The following NAV3 variants were observed in gnomAD, a reference collection of about 807,000 sequenced individuals.
NAV3 encodes pore membrane and/or filament interacting like protein 1.
Under a neutral mutation model 244.7 loss-of-function variants are expected in NAV3, and 87 were observed. The observed-to-expected ratio is 0.36, with a 90% CI of 0.30 to 0.42. The LOEUF is 0.42. Ranked by LOEUF, NAV3 falls within the 20% of genes least tolerant of loss-of-function variation. The probability of loss-of-function intolerance (pLI) is 1.00; values close to 1 mark genes in which losing one functional copy is unlikely to be tolerated. For synonymous variants in NAV3, 1,126 were observed against 1,042.2 expected, an observed-to-expected ratio of 1.08 and a Z score of -1.55; for missense variants, 2,663 against 2,893.3, an observed-to-expected ratio of 0.92 and a Z score of 1.83.
upstream of NAV3, among the ~76,000 whole-genome samples, chr12:77,826,215 A>C (rs913341601): frequency 6.6e-6 from 1 of 152,194 alleles, no homozygotes; most frequent in African/African-American, 2.4e-5. Flanking sequence ...GACAGATATA[A>C]ATATTTATAG....
At chr12:77,982,258 C>T (rs1370164596) in intron 5 of NAV3, among the ~76,000 whole-genome samples, 2 of 61,326 alleles carry the variant, frequency 3.3e-5, no homozygotes, top group African/African-American at 8.0e-5. Context: ...TTATATGTTA[C>T]ATTAGAGCCG....
Position 78,127,407 on chromosome 12 carries a change from G to C in NAV3, c.4280+199G>C, listed in dbSNP as rs148291433. Among the ~76,000 whole-genome samples the C allele has an allele frequency of 7.2e-5, 11 of 152,228 alleles. No individual in the cohort carries two copies. The East Asian group carries it at 1.2e-3, about 16-fold the overall frequency. Reference sequence around the variant, plus strand: ...AGAGATACTAGTAGAGATTGAGGCTGTCTCTCAAATTAAATAAATTCCAAT... The same window carrying C: ...AGAGATACTAGTAGAGATTGAGGCTCTCTCTCAAATTAAATAAATTCCAAT... On this transcript the variant is annotated intron_variant, in intron 17 of 39. Transcript: ENST00000397909.
At chr12:77,580,216 G>T (rs2136673457) in intron 2 of NAV3, among the ~76,000 whole-genome samples, 1 of 119,326 alleles carries the variant, frequency 8.4e-6, no homozygotes, top group East Asian at 2.2e-4. Flanking sequence ...GGGGTAGGGT[G>T]GGAACACACA....
chr12:78,135,190 T>C (rs1162482543), intron 18 of NAV3, among the ~76,000 whole-genome samples: 1 of 152,218 alleles, frequency 6.6e-6, no homozygotes, highest in East Asian at 1.9e-4. Context: ...TGTTCTATTT[T>C]ACATATTAAC....
At chr12:77,985,158 G>C (rs529088601) in intron 5 of NAV3, among the ~76,000 whole-genome samples, 37 of 152,124 alleles carry the variant, frequency 2.4e-4, no homozygotes, top group Admixed American at 7.9e-4. Context: ...CATGGTTTTA[G>C]GGGTTATAAT....
chr12:77,876,504 C>T (rs926830701), intron 1 of NAV3, among the ~76,000 whole-genome samples: 2 of 152,044 alleles, frequency 1.3e-5, no homozygotes, highest in African/African-American at 4.8e-5. Context: ...GTCAATACTG[C>T]ATACACATGT....
intron 9 of NAV3, among the ~76,000 whole-genome samples, chr12:78,044,306 C>T (rs2137125420): frequency 6.6e-6 from 1 of 152,198 alleles, no homozygotes; most frequent in South Asian, 2.1e-4. Context: ...GTTTTGGTAC[C>T]AGTACCATGC....
At chr12:77,982,476 G>T (rs1565985287) in intron 5 of NAV3, among the ~76,000 whole-genome samples, 2 of 152,262 alleles carry the variant, frequency 1.3e-5, no homozygotes, top group South Asian at 4.1e-4. Context: ...AGCACAAGTT[G>T]CTCAGTGATC....
At chr12:77,874,276 T>G (rs1355431621) in intron 1 of NAV3, among the ~76,000 whole-genome samples, 1 of 152,130 alleles carries the variant, frequency 6.6e-6, no homozygotes, top group East Asian at 1.9e-4. Context: ...TGGAGTGCAG[T>G]GCTGCAATCA....
chr12:77,662,276 T>G (rs527939237), intron 2 of NAV3, among the ~76,000 whole-genome samples: 6 of 151,988 alleles, frequency 3.9e-5, no homozygotes, highest in African/African-American at 1.4e-4. Flanking sequence ...TCTCACCTTA[T>G]TTTAGATCTT....
rs774173175 is a variant in NAV3, at chr12:78,180,970, A to C, written c.5617A>C (p.Thr1873Pro). The C allele has an allele frequency of 1.4e-5, 22 of 1,613,242 alleles. No individual in the cohort carries two copies. The highest frequency in any genetic ancestry group is 8.5e-6 in the Non-Finnish European group (10 of 1,179,472). ...TRPPSESSSS[T>P]SSSSSRQSLG... is the part of the protein sequence containing the mutation. ...GCCACCGTCAGAATCCTCAAGCAGC[A>C]CCTCCTCTTCATCTTCCAGGCAGTC... The change falls in exon 30 of 40, where the codon ACC (threonine) becomes CCC (proline). Residue 1873 changes from threonine to proline, a missense_variant. By Grantham distance (38) the Thr-to-Pro change is conservative. Around this residue, in one of 6 missense-constraint regions of NAV3, gnomAD observed 543 missense variants for 672.4 expected, o/e 0.81. Transcript: ENST00000397909.
chr12:78,110,797 T>C (rs1955055018), intron 12 of NAV3, among the ~76,000 whole-genome samples: 1 of 152,058 alleles, frequency 6.6e-6, no homozygotes, highest in South Asian at 2.1e-4. Flanking sequence ...CATATTCCAT[T>C]TCTGTATATA....
chr12:78,113,276 A>G (rs1955195595), intron 12 of NAV3, among the ~76,000 whole-genome samples: 1 of 152,180 alleles, frequency 6.6e-6, no homozygotes, highest in South Asian at 2.1e-4. Context: ...GGTGGCCTTC[A>G]TCTCACAGAT....
chr12:77,641,651 C>G (rs768513043), intron 2 of NAV3, among the ~76,000 whole-genome samples: 1 of 151,930 alleles, frequency 6.6e-6, no homozygotes, highest in Non-Finnish European at 1.5e-5. Flanking sequence ...TCTAATTTTT[C>G]CTGGCTTCTA....
At chr12:77,748,964 GTTACA>G (rs1056548799) in intron 2 of NAV3, among the ~76,000 whole-genome samples, 1 of 152,038 alleles carries the variant, frequency 6.6e-6, no homozygotes, top group Non-Finnish European at 1.5e-5. Context: ...GAATTAAATC[GTTACA>G]TTACACATGT....
intron 1 of NAV3, among the ~76,000 whole-genome samples, chr12:77,891,682 T>G (rs1269987126): frequency 1.3e-5 from 2 of 152,230 alleles, no homozygotes; most frequent in African/African-American, 4.8e-5. Context: ...AAACACTGTT[T>G]AGTGAAACTG....
At chr12:77,968,753 A>G (rs1892734118) in intron 5 of NAV3, 51 bp downstream of exon 5, 2 of 1,548,550 alleles carry the variant, frequency 1.3e-6, no homozygotes, top group African/African-American at 1.4e-5. Context: ...TGTAGATACA[A>G]CTTGTTTTTA....
rs1288649462 is a variant in NAV3, at chr12:78,190,226, T to C, written c.6291+7T>C. 1.9e-6 allele frequency: 3 copies of C among 1,603,988 alleles called. No individual in the cohort carries two copies. The highest frequency in any genetic ancestry group is 1.1e-5 in the South Asian group (1 of 90,492). On this transcript the variant is annotated splice_region_variant and intron_variant, in intron 34 of 39. Transcript: ENST00000397909. ...GGACCACAAGTCAAGTAAGGTATGT[T>C]ACAGAATTCTAAGAGAACAGCTACA...
intron 15 of NAV3, among the ~76,000 whole-genome samples, chr12:78,120,609 C>T (rs1397528117): frequency 1.3e-5 from 2 of 152,096 alleles, no homozygotes; most frequent in African/African-American, 4.8e-5. Context: ...GGTTTCTGTT[C>T]CTGGATTGTT....
Sources: gnomAD v4.1 joint callset for allele counts (sites outside exome capture counted in the v4.1 genomes callset) on GRCh38, gnomAD v4.1.1 for gene constraint, gnomAD v4.1.1 regional missense constraint, MANE v1.5 for transcripts, NCBI Gene and HGNC (gene_info 2026-07-23, HGNC 2026-07-21) for gene names.